Variants in RIC8B observed in about 807,000 individuals in gnomAD.
The protein encoded by RIC8B is chaperone Ric-8B.
Under a neutral mutation model 57.5 loss-of-function variants are expected in RIC8B, and 16 were observed. The ratio of observed to expected loss-of-function variants is 0.28; its 90% CI spans 0.19 to 0.42. RIC8B has a LOEUF of 0.42. Among genes scored for constraint, RIC8B ranks in the 10% least tolerant of loss-of-function variants. The pLI, the probability that RIC8B is intolerant of heterozygous loss-of-function variation, is 1.00. For missense variants in RIC8B, 481 were observed against 677.0 expected (o/e 0.71, Z 3.21); for synonymous variants, 216 against 250.8 (o/e 0.86, Z 1.31).
chr12:106,781,612 T>C (rs1241731743), intron 1 of RIC8B, among the ~76,000 whole-genome samples: 1 of 152,200 alleles, frequency 6.6e-6, no homozygotes, highest in Non-Finnish European at 1.5e-5. Flanking sequence ...AATTAGACCT[T>C]GGTACTATTC....
At chr12:106,875,107 A>T (rs1339041354) in intron 9 of RIC8B, among the ~76,000 whole-genome samples, 2 of 152,208 alleles carry the variant, frequency 1.3e-5, no homozygotes, top group Non-Finnish European at 2.9e-5. Flanking sequence ...GCCAGATGTC[A>T]TAAAATTCAG....
rs79553321 is a variant in RIC8B at position 106,840,858 on chromosome 12, G to T, written c.837-1731G>T. Among the ~76,000 whole-genome samples, 80 of 152,224 alleles carry T rather than the reference G, an allele frequency of 5.3e-4. No homozygotes were observed. The East Asian group carries it at 0.015, about 28-fold the overall frequency. On this transcript the variant is annotated intron_variant, in intron 4 of 9. Coordinates refer to ENST00000392837, the MANE Select transcript of RIC8B (RefSeq NM_001330145.2). ...TCTGGTAGGTTCAGAGCATCATACG[G>T]TCAGTGTATTTAAGAGCCTATTGCC... is the stretch of plus-strand genomic sequence containing the variant.
chr12:106,819,771 A>G (rs1268778268), intron 3 of RIC8B, among the ~76,000 whole-genome samples: 2 of 148,304 alleles, frequency 1.3e-5, no homozygotes, highest in South Asian at 2.1e-4. Flanking sequence ...AGGAATACTC[A>G]TAAGTATATA....
In RIC8B at chr12:106,833,936, C is replaced by G. The variant is rs772106557; in HGVS notation, c.836+8116C>G. Among the ~76,000 whole-genome samples, 59 of 152,280 alleles carry G rather than the reference C, an allele frequency of 3.9e-4. 1 individual carries two copies. The highest frequency in any genetic ancestry group is 2.4e-3 in the Admixed American group (37 of 15,302). On this transcript the variant is annotated intron_variant, in intron 4 of 9. Coordinates refer to ENST00000392837, the MANE Select transcript of RIC8B (RefSeq NM_001330145.2). ...TAAAAGAACCTAGCACCTTCTCCCC[C>G]TCTTTCTTGCTGCCGCTCTTGCTGT...
intron 1 of RIC8B, among the ~76,000 whole-genome samples, chr12:106,780,722 C>T (rs180953952): frequency 1.3e-5 from 2 of 152,280 alleles, no homozygotes; most frequent in Admixed American, 6.5e-5. Flanking sequence ...ACATACACCA[C>T]GCAATTAGGT....
intron 9 of RIC8B, among the ~76,000 whole-genome samples, chr12:106,872,669 C>CA (rs11396158): frequency 0.47 from 42,673 of 91,740 alleles, 7,564 homozygotes; most frequent in South Asian, 0.48. Flanking sequence ...AACTCTGTCT[C>CA]AAAAAAAAAA....
chr12:106,871,484 AAAAAAAAAAAAAAAC>A (rs1219753340), intron 9 of RIC8B: 6 of 141,792 alleles, frequency 4.2e-5, no homozygotes, highest in Admixed American at 3.5e-4. Flanking sequence ...AAAAAAAAAA[AAAAAAAAAAAAAAAC>A]CAAAAAACTC....
chr12:106,815,214 T>A lies in RIC8B; in HGVS notation c.651T>A (p.Pro217=), dbSNP rs201260960. The A allele has an allele frequency of 6.2e-7, 1 of 1,614,174 alleles. No homozygotes were observed. ...AATCGGCCATAGACCATAATGGACC[T>A]CCTCTCTCACCTCAGGAGACAGACT... is the stretch of plus-strand genomic sequence containing the variant. The part of the protein sequence containing the change: ...EYESAIDHNG[P]PLSPQETDCA... Residue 217 remains proline (P), a synonymous_variant, in exon 3 of 10, where the codon CCT becomes CCA. Transcript: ENST00000392837.
At chr12:106,884,915 A>C (rs1260588902) in intron 9 of RIC8B, among the ~76,000 whole-genome samples, 1 of 152,254 alleles carries the variant, frequency 6.6e-6, no homozygotes, top group Non-Finnish European at 1.5e-5. Flanking sequence ...AGCTGCTGCC[A>C]TGTGGGTTTT....
At chr12:106,828,230 T>C (rs1225748900) in intron 4 of RIC8B, among the ~76,000 whole-genome samples, 1 of 152,218 alleles carries the variant, frequency 6.6e-6, no homozygotes, top group Non-Finnish European at 1.5e-5. Flanking sequence ...AGGTTGCTGC[T>C]GACTTAACAG....
At chr12:106,793,186 A>G (rs939359570) in intron 2 of RIC8B, among the ~76,000 whole-genome samples, 4 of 152,152 alleles carry the variant, frequency 2.6e-5, no homozygotes, top group Non-Finnish European at 5.9e-5. Context: ...AAGCAAACCA[A>G]GGAGATCAAG....
intron 9 of RIC8B, among the ~76,000 whole-genome samples, chr12:106,880,993 T>C (rs1024810290): frequency 1.3e-5 from 2 of 152,356 alleles, no homozygotes; most frequent in Middle Eastern, 3.4e-3. Flanking sequence ...TTAGACACCA[T>C]ACCTTTTCTC....
intron 1 of RIC8B, among the ~76,000 whole-genome samples, chr12:106,780,459 G>A (rs777900486): frequency 3.3e-5 from 5 of 152,132 alleles, no homozygotes; most frequent in Non-Finnish European, 7.4e-5. Flanking sequence ...ACCTGATATT[G>A]GGACAGTTCT....
chr12:106,875,779 G>A (rs907694265), intron 9 of RIC8B, among the ~76,000 whole-genome samples: 1 of 151,926 alleles, frequency 6.6e-6, no homozygotes, highest in Non-Finnish European at 1.5e-5. Flanking sequence ...GCCAATAAGT[G>A]TTTTGTTTTT....
At chr12:106,885,710 C>T (rs1023807178) in intron 9 of RIC8B, among the ~76,000 whole-genome samples, 194 bp from the exon 10 acceptor site, 1 of 152,010 alleles carries the variant, frequency 6.6e-6, no homozygotes, top group Non-Finnish European at 1.5e-5. Context: ...TCTTTTATCT[C>T]CCTCTTCCCT....
chr12:106,858,622 A>G (rs903904831), intron 7 of RIC8B, among the ~76,000 whole-genome samples: 3 of 152,108 alleles, frequency 2.0e-5, no homozygotes, highest in African/African-American at 7.2e-5. Flanking sequence ...TCATTCAATA[A>G]TTCTAATAGG....
intron 1 of RIC8B, among the ~76,000 whole-genome samples, chr12:106,782,018 T>C (rs2043786432): frequency 6.6e-6 from 1 of 152,110 alleles, no homozygotes. Flanking sequence ...CTCCTCCTTC[T>C]TTCTTTTTCT....
At chr12:106,882,708 T>C (rs1186295590) in intron 9 of RIC8B, among the ~76,000 whole-genome samples, 1 of 152,140 alleles carries the variant, frequency 6.6e-6, no homozygotes, top group Non-Finnish European at 1.5e-5. Flanking sequence ...ATTTGCACAA[T>C]GCATGATTGT....
At chr12:106,864,754 A>G (rs1950068430) in intron 8 of RIC8B, among the ~76,000 whole-genome samples, 2 of 152,274 alleles carry the variant, frequency 1.3e-5, no homozygotes, top group Non-Finnish European at 1.5e-5. Flanking sequence ...GTACATTTAC[A>G]CTGTTATGCA....
Sources: allele counts gnomAD v4.1 joint callset (sites outside exome capture counted in the v4.1 genomes callset), GRCh38; gene constraint gnomAD v4.1.1; transcripts MANE v1.5; gene names NCBI Gene and HGNC (gene_info 2026-07-23, HGNC 2026-07-21).